GALNT13: variants seen among roughly 807,000 people sequenced by gnomAD.
The protein encoded by GALNT13 is polypeptide N-acetylgalactosaminyltransferase 13.
GALNT13 carries 28 observed loss-of-function variants against 64.2 expected under a neutral mutation model. That is an observed-to-expected ratio of 0.44 (90% confidence interval 0.32 to 0.60). The LOEUF is 0.60. Among genes scored for constraint, GALNT13 ranks in the 20% least tolerant of loss-of-function variants. The probability of loss-of-function intolerance (pLI) is 0.05; values close to 1 mark genes in which losing one functional copy is unlikely to be tolerated. For synonymous variants in GALNT13, 214 were observed against 224.6 expected, an observed-to-expected ratio of 0.95 and a Z score of 0.42; for missense variants, 577 against 669.8, an observed-to-expected ratio of 0.86 and a Z score of 1.53.
At chr2:154,039,248 C>T (rs1698842172) in intron 3 of GALNT13, among the ~76,000 whole-genome samples, 1 of 143,560 alleles carries the variant, frequency 7.0e-6, no homozygotes, top group African/African-American at 2.4e-5. Context: ...ATCCAGTAAT[C>T]CCACTAATGG....
the GALNT13 span, among the ~76,000 whole-genome samples, chr2:153,078,813 A>G: frequency 6.6e-6 from 1 of 152,098 alleles, no homozygotes; most frequent in African/African-American, 2.4e-5. Flanking sequence ...ATCGTAATGA[A>G]TGGGTGTTAA....
At chr2:154,273,980 T>G (rs982450057) in intron 8 of GALNT13, among the ~76,000 whole-genome samples, 2 of 152,070 alleles carry the variant, frequency 1.3e-5, no homozygotes, top group Non-Finnish European at 2.9e-5. Flanking sequence ...ATAAGAAGGT[T>G]TTTTCTCATT....
chr2:153,387,894 G>C, the GALNT13 span, among the ~76,000 whole-genome samples: 7 of 152,000 alleles, frequency 4.6e-5, no homozygotes, highest in African/African-American at 1.7e-4. Context: ...ACATGGTACA[G>C]TAGTATTCAA....
At chr2:153,099,845 A>G in the GALNT13 span, among the ~76,000 whole-genome samples, 7 of 152,226 alleles carry the variant, frequency 4.6e-5, no homozygotes, top group African/African-American at 1.7e-4. Context: ...CAGCAAGTCC[A>G]GAGTCAAAAC....
At chr2:153,817,531 T>A in the GALNT13 span, among the ~76,000 whole-genome samples, 1 of 152,140 alleles carries the variant, frequency 6.6e-6, no homozygotes, top group Non-Finnish European at 1.5e-5. Context: ...TTATCCCTGA[T>A]GTTTCCTCTT....
At chr2:153,535,152 T>A in the GALNT13 span, among the ~76,000 whole-genome samples, 1 of 151,922 alleles carries the variant, frequency 6.6e-6, no homozygotes, top group African/African-American at 2.4e-5. Context: ...GGGGTGATAT[T>A]GTGGGGATGT....
chr2:153,326,306 CTTT>C, the GALNT13 span, among the ~76,000 whole-genome samples: 1,303 of 130,880 alleles, frequency 1.0e-2, 20 homozygotes, highest in East Asian at 0.088. Flanking sequence ...CAACTTTGGC[CTTT>C]TTTTTTTTTT....
chr2:153,632,002 G>A, the GALNT13 span, among the ~76,000 whole-genome samples: 1 of 151,970 alleles, frequency 6.6e-6, no homozygotes, highest in Non-Finnish European at 1.5e-5. Flanking sequence ...AAAAATTCAG[G>A]TATTCATTGT....
chr2:153,552,267 T>C, the GALNT13 span, among the ~76,000 whole-genome samples: 4 of 152,110 alleles, frequency 2.6e-5, no homozygotes, highest in African/African-American at 7.2e-5. Context: ...TCTGAGGAGA[T>C]TTGCTATAAA....
At chr2:153,299,083 C>G in the GALNT13 span, among the ~76,000 whole-genome samples, 26 of 152,240 alleles carry the variant, frequency 1.7e-4, no homozygotes, top group Admixed American at 1.2e-3. Flanking sequence ...TAATGCAATC[C>G]AAATCCAAAT....
intron 3 of GALNT13, among the ~76,000 whole-genome samples, chr2:154,057,708 T>C (rs1699966145): frequency 6.6e-6 from 1 of 152,216 alleles, no homozygotes; most frequent in South Asian, 2.1e-4. Flanking sequence ...TTTTTGCACA[T>C]GTGAAATGTC....
At chr2:153,128,300 G>A in the GALNT13 span, among the ~76,000 whole-genome samples, 29 of 152,290 alleles carry the variant, frequency 1.9e-4, no homozygotes, top group African/African-American at 6.7e-4. Context: ...AATCACGGTG[G>A]AAAGCAGGGA....
the GALNT13 span, among the ~76,000 whole-genome samples, chr2:153,308,415 TA>T: frequency 6.6e-6 from 1 of 152,172 alleles, no homozygotes; most frequent in Non-Finnish European, 1.5e-5. Context: ...ATCACTTATT[TA>T]ACAAATGACA....
At chr2:154,110,812 A>G (rs140287906) in intron 3 of GALNT13, among the ~76,000 whole-genome samples, 2 of 152,102 alleles carry the variant, frequency 1.3e-5, no homozygotes, top group African/African-American at 4.8e-5. Flanking sequence ...CGCCTTCTCA[A>G]CGTGAACTCA....
intron 8 of GALNT13, among the ~76,000 whole-genome samples, chr2:154,284,458 G>A (rs1223699749): frequency 6.6e-6 from 1 of 151,324 alleles, no homozygotes; most frequent in East Asian, 1.9e-4. Context: ...TTTTTCAGCT[G>A]TGTAACATGC....
At chr2:153,593,665 G>A in the GALNT13 span, among the ~76,000 whole-genome samples, 17 of 152,290 alleles carry the variant, frequency 1.1e-4, no homozygotes, top group African/African-American at 3.6e-4. Context: ...TATCAGGGTG[G>A]TGGGAAAGAG....
At chr2:154,373,949 G>A (rs1459532433) in intron 9 of GALNT13, among the ~76,000 whole-genome samples, 1 of 152,176 alleles carries the variant, frequency 6.6e-6, no homozygotes, top group Non-Finnish European at 1.5e-5. Flanking sequence ...CTCAAGAAGT[G>A]AGGCTAAAGT....
the GALNT13 span, among the ~76,000 whole-genome samples, chr2:153,704,356 C>T: frequency 4.6e-5 from 7 of 152,284 alleles, no homozygotes; most frequent in East Asian, 5.8e-4. Flanking sequence ...CACTGATTGA[C>T]GCTAAGCATG....
chr2:154,163,112 C>T (rs1684831329), intron 4 of GALNT13, among the ~76,000 whole-genome samples: 2 of 147,396 alleles, frequency 1.4e-5, no homozygotes, highest in South Asian at 4.4e-4. Context: ...AGGTATATCT[C>T]CTAATGCTAT....
Sources: allele counts gnomAD v4.1 joint callset (sites outside exome capture counted in the v4.1 genomes callset), GRCh38; gene constraint gnomAD v4.1.1; transcripts MANE v1.5; gene names NCBI Gene and HGNC (gene_info 2026-07-23, HGNC 2026-07-21).